TPCN2: variants seen among roughly 807,000 people sequenced by gnomAD.
TPCN2 encodes the protein two pore channel protein 2.
A neutral mutation model predicts 111.4 loss-of-function variants in TPCN2; 92 were observed. The ratio of observed to expected loss-of-function variants is 0.83; its 90% CI spans 0.70 to 0.98. The LOEUF is 0.98. TPCN2 is among the 50% of genes least tolerant of loss of function. TPCN2 has a pLI of 0.00. For synonymous variants in TPCN2, 405 were observed against 414.5 expected (o/e 0.98, Z 0.28); for missense variants, 995 against 980.1 (o/e 1.02, Z -0.20).
chr11:69,076,113 T>G (rs1323403664), intron 13 of TPCN2, among the ~76,000 whole-genome samples: 1 of 152,180 alleles, frequency 6.6e-6, no homozygotes, highest in Non-Finnish European at 1.5e-5. Flanking sequence ...TGTGGTGTCC[T>G]TGGGCTGAGG....
intron 19 of TPCN2, chr11:69,084,945 G>A: frequency 2.3e-6 from 1 of 433,014 alleles, no homozygotes; most frequent in South Asian, 9.7e-5. Context: ...AACTGTGGCT[G>A]CCAGGGTACC....
chr11:69,050,210 C>CT (rs1861159331), intron 1 of TPCN2, among the ~76,000 whole-genome samples: 1 of 152,224 alleles, frequency 6.6e-6, no homozygotes, highest in Admixed American at 6.5e-5. Flanking sequence ...TCTTCAGGTG[C>CT]TTCCTGGGAC....
In TPCN2 at chr11:69,089,220, G is replaced by A. The variant is rs1032655709; in HGVS notation, c.*1267G>A. 4.0e-5 allele frequency: 6 copies of A among 151,412 alleles called. No homozygotes were observed. Among genetic ancestry groups the A allele is most frequent in the Admixed American group, 2.6e-4 (4 of 15,166 alleles). The allele number at this position is 151,412 out of a possible 1,614,324, so 9.4% of individuals were successfully genotyped here. Reference sequence around the variant, plus strand: ...AGCGAGTCCAAGGAGAAGGTCATGAGTTTCTTTTTACTCGTGTTGAATAAT... The same window carrying A: ...AGCGAGTCCAAGGAGAAGGTCATGAATTTCTTTTTACTCGTGTTGAATAAT... On this transcript the variant is annotated 3_prime_UTR_variant, in exon 25 of 25. Coordinates refer to ENST00000294309, the MANE Select transcript of TPCN2 (RefSeq NM_139075.4).
rs759202252 is a variant in TPCN2, at chr11:69,071,965, C to T, written c.1003C>T (p.Arg335Trp). The change falls in exon 11 of 25, where the codon CGG becomes TGG. Residue 335 changes from arginine to tryptophan, a missense_variant. Arg to Trp is a moderately radical substitution (Grantham distance 101). Coordinates refer to ENST00000294309, the MANE Select transcript of TPCN2 (RefSeq NM_139075.4). ...TSLFRRRLGTRAAFEVLSSMV... is the reference protein window; with the variant it reads ...TSLFRRRLGTWAAFEVLSSMV... ...GCTGTTTCGGAGGCGGCTGGGAACC[C>T]GGGCTGCCTTTGAAGTCCTATCCTC... is the stretch of plus-strand genomic sequence containing the variant. 21 of 1,613,912 alleles carry T rather than the reference C, an allele frequency of 1.3e-5. No homozygotes were observed. The Admixed American group carries it at 2.0e-4, about 15-fold the overall frequency.
intron 17 of TPCN2, 99 bp downstream of exon 17, chr11:69,079,982 T>A: frequency 8.7e-7 from 1 of 1,146,816 alleles, no homozygotes; most frequent in Non-Finnish European, 1.3e-6. Flanking sequence ...CTGGGTCTGC[T>A]CTGACTCTAG....
At position 69,079,248 on chromosome 11, in the gene TPCN2, G is replaced by A. The variant is rs910601140; in HGVS notation, c.1539+228G>A. On this transcript the variant is annotated intron_variant, in intron 16 of 24. Coordinates refer to ENST00000294309, the MANE Select transcript of TPCN2 (RefSeq NM_139075.4). ...CTACTGCATCCGAGTGTCATGGGGGGCAGGCTGCCCCTCCCGACCCCCAGG... is the reference window on the plus strand; with the variant it reads ...CTACTGCATCCGAGTGTCATGGGGGACAGGCTGCCCCTCCCGACCCCCAGG... 2.3e-5 allele frequency: 13 copies of A among 574,274 alleles called. No individual in the cohort carries two copies. The Admixed American group carries it at 3.2e-4, about 14-fold the overall frequency. 35.6% of individuals were successfully genotyped at this position (574,274 alleles called of 1,614,324 possible).
chr11:69,078,642 G>A (rs1402720207), intron 14 of TPCN2, 41 bp downstream of exon 14: 1 of 1,613,502 alleles, frequency 6.2e-7, no homozygotes, highest in Non-Finnish European at 8.5e-7. Context: ...GGAAGTGCCG[G>A]TTCCCGCCCA....
At position 69,085,848 on chromosome 11, in the gene TPCN2, GCTGCCCTGGT is replaced by G. The variant is rs1226392633; in HGVS notation, c.1923_1932del (p.Ala642LeufsTer5). On this transcript the variant is annotated frameshift_variant and splice_region_variant, in exon 22 of 25. Coordinates refer to ENST00000294309, the MANE Select transcript of TPCN2 (RefSeq NM_139075.4). LOFTEE classifies it high-confidence loss of function. ...GGACCGCTGGTCTCTGCCCCCGCAG[GCTGCCCTGGT>G]CACTCTGTGGAACTTGATGGTGGTG... 6.2e-7 allele frequency: 1 copy of G among 1,614,166 alleles called. No homozygotes were observed. The highest frequency in any genetic ancestry group is 8.5e-7 in the Non-Finnish European group (1 of 1,179,990).
chr11:69,081,630 C>A, intron 18 of TPCN2, 131 bp downstream of exon 18: 1 of 597,814 alleles, frequency 1.7e-6, no homozygotes, highest in Non-Finnish European at 3.0e-6. Flanking sequence ...CTGGCTGCAC[C>A]CTCAGCTCTC....
intron 7 of TPCN2, among the ~76,000 whole-genome samples, chr11:69,064,568 G>A (rs143982752): frequency 1.3e-5 from 2 of 152,156 alleles, no homozygotes; most frequent in African/African-American, 4.8e-5. Context: ...CCCCAACCCC[G>A]CTCCAGTGCT....
chr11:69,085,829 C>T lies in TPCN2; in HGVS notation c.1921-19C>T. ...CTACCTCCTGGGCCCTCCTGGACCG[C>T]TGGTCTCTGCCCCCGCAGGCTGCCC... On this transcript the variant is annotated intron_variant, in intron 21 of 24. Coordinates refer to ENST00000294309, the MANE Select transcript of TPCN2 (RefSeq NM_139075.4). 1 of 1,614,014 alleles carries T rather than the reference C, an allele frequency of 6.2e-7. No homozygotes were observed. Among genetic ancestry groups the T allele is most frequent in the Non-Finnish European group, 8.5e-7 (1 of 1,179,860 alleles).
At position 69,067,484 on chromosome 11, in the gene TPCN2, C is replaced by T; in HGVS notation, c.727-19C>T. 6.2e-7 allele frequency: 1 copy of T among 1,608,008 alleles called. No individual in the cohort carries two copies. The highest frequency in any genetic ancestry group is 1.7e-5 in the Admixed American group (1 of 60,016). ...GTGGGGACCCAGTGGTGCCCTGGAG[C>T]TGCCGCTTCTGCTCTTAGCAGGATG... On this transcript the variant is annotated intron_variant, in intron 7 of 24. Coordinates refer to ENST00000294309, the MANE Select transcript of TPCN2 (RefSeq NM_139075.4).
chr11:69,077,857 T>C (rs1349649152), intron 13 of TPCN2, among the ~76,000 whole-genome samples: 1 of 152,210 alleles, frequency 6.6e-6, no homozygotes, highest in Non-Finnish European at 1.5e-5. Context: ...TTTTGTTGCA[T>C]TGAAATTTTC....
rs1172994075 is a variant in TPCN2, at chr11:69,064,060, C to G, written c.726+93C>G. 5 of 1,259,604 alleles carry G rather than the reference C, an allele frequency of 4.0e-6. No homozygotes were observed. In the East Asian group the frequency reaches 1.2e-4, roughly 30 times the overall value. 78.0% of individuals were successfully genotyped at this position (1,259,604 alleles called of 1,614,324 possible). On this transcript the variant is annotated intron_variant, in intron 7 of 24. Coordinates refer to ENST00000294309, the MANE Select transcript of TPCN2 (RefSeq NM_139075.4). ...GCTGGTGTCTGCTGCCCTGGCCTAA[C>G]CCATGTGCGGACTCTGTCCAGTAAT...
intron 7 of TPCN2, among the ~76,000 whole-genome samples, chr11:69,065,300 G>T (rs1855222656): frequency 6.6e-6 from 1 of 152,222 alleles, no homozygotes; most frequent in Non-Finnish European, 1.5e-5. Context: ...GTACCAGGTG[G>T]ATGGCGTCAG....
Position 69,082,739 on chromosome 11 carries a change from CCG to C in TPCN2, c.1690-1205_1690-1204del, listed in dbSNP as rs1856086603. 7.1e-5 allele frequency among the ~76,000 whole-genome samples: 4 copies of C among 56,432 alleles called. No individual in the cohort carries two copies. The South Asian group carries it at 2.9e-3, about 41-fold the overall frequency. 37.0% of individuals were successfully genotyped at this position (56,432 alleles called of 152,430 possible). ...TGCAGATATCCATGTGAACTCGTGC[CCG>C]TGTAAGACGCATGATCGTGTGTGCA... On this transcript the variant is annotated intron_variant, in intron 18 of 24. Transcript: ENST00000294309.
intron 18 of TPCN2, among the ~76,000 whole-genome samples, chr11:69,082,250 C>T (rs1856045473): frequency 6.6e-6 from 1 of 152,214 alleles, no homozygotes; most frequent in African/African-American, 2.4e-5. Context: ...CATACAAGCA[C>T]AATCATACAT....
chr11:69,077,129 TCCCTCCACCTGCCCTCCTGCC>T (rs1855813667), intron 13 of TPCN2, among the ~76,000 whole-genome samples: 1 of 113,758 alleles, frequency 8.8e-6, no homozygotes, highest in Non-Finnish European at 1.7e-5. Flanking sequence ...TCCTGCCATG[TCCCTCCACCTGCCCTCCTGCC>T]GTGTCCCTCC....
chr11:69,050,163 C>T (rs1861157461), intron 1 of TPCN2, among the ~76,000 whole-genome samples: 1 of 152,192 alleles, frequency 6.6e-6, no homozygotes, highest in Non-Finnish European at 1.5e-5. Flanking sequence ...AAGGTGGCCA[C>T]CCTGTCTGCT....
Sources: gnomAD v4.1 joint callset for allele counts (sites outside exome capture counted in the v4.1 genomes callset) on GRCh38, gnomAD v4.1.1 for gene constraint, MANE v1.5 for transcripts, NCBI Gene and HGNC (gene_info 2026-07-23, HGNC 2026-07-21) for gene names.